NCKAP5: variants seen among roughly 807,000 people sequenced by gnomAD.
NCKAP5 encodes the protein NCK associated protein 5, also known as nck-associated protein 5.
In NCKAP5, 92 loss-of-function variants were observed where a neutral mutation model predicts 167.0. The observed-to-expected ratio is 0.55, with a 90% confidence interval of 0.47 to 0.66. NCKAP5 has a LOEUF of 0.66. NCKAP5 is among the 30% of genes least tolerant of loss of function. NCKAP5 has a pLI of 0.00. For missense variants in NCKAP5, 2,378 were observed against 2,315.0 expected, an observed-to-expected ratio of 1.03 and a Z score of -0.56; for synonymous variants, 891 against 877.4, an observed-to-expected ratio of 1.02 and a Z score of -0.27.
At chr2:133,497,935 A>G (rs1682084056) in intron 3 of NCKAP5, among the ~76,000 whole-genome samples, 1 of 152,152 alleles carries the variant, frequency 6.6e-6, no homozygotes, top group Admixed American at 6.5e-5. Flanking sequence ...ACAACCCGCA[A>G]TGGTGAAAAT....
At chr2:133,206,981 T>C (rs1214129880) in intron 5 of NCKAP5, among the ~76,000 whole-genome samples, 1 of 152,110 alleles carries the variant, frequency 6.6e-6, no homozygotes, top group Non-Finnish European at 1.5e-5. Context: ...AGTTCTCTGC[T>C]CTCGAACCCT....
chr2:133,581,132 A>C, the NCKAP5 span, among the ~76,000 whole-genome samples: 1 of 152,172 alleles, frequency 6.6e-6, no homozygotes, highest in Non-Finnish European at 1.5e-5. Flanking sequence ...CATTGCTCCT[A>C]AAATAAATCT....
intron 5 of NCKAP5, among the ~76,000 whole-genome samples, chr2:133,131,684 T>A (rs1287218112): frequency 6.6e-6 from 1 of 152,184 alleles, no homozygotes; most frequent in Admixed American, 6.5e-5. Flanking sequence ...TAAAATCAAA[T>A]CTTTATTCTG....
intron 5 of NCKAP5, among the ~76,000 whole-genome samples, chr2:133,146,583 C>T (rs1240307433): frequency 6.6e-6 from 1 of 152,088 alleles, no homozygotes; most frequent in Non-Finnish European, 1.5e-5. Flanking sequence ...TCTCTTAATA[C>T]AACCTTCCAG....
At chr2:133,148,542 T>C (rs1052582570) in intron 5 of NCKAP5, among the ~76,000 whole-genome samples, 2 of 152,128 alleles carry the variant, frequency 1.3e-5, no homozygotes, top group African/African-American at 4.8e-5. Context: ...CAATTTGCTG[T>C]CTTAGTATGG....
At chr2:133,236,513 T>C (rs771924922) in intron 4 of NCKAP5, among the ~76,000 whole-genome samples, 2 of 152,178 alleles carry the variant, frequency 1.3e-5, no homozygotes, top group Non-Finnish European at 2.9e-5. Context: ...TTCTCTTAGG[T>C]GTCTGACAAA....
intron 6 of NCKAP5, among the ~76,000 whole-genome samples, chr2:133,068,989 C>A (rs2080293983): frequency 6.6e-6 from 1 of 152,166 alleles, no homozygotes; most frequent in African/African-American, 2.4e-5. Context: ...ATTTATGATT[C>A]TGGATTATAG....
chr2:133,567,701 T>TGTG (rs879405003), intron 1 of NCKAP5, among the ~76,000 whole-genome samples: 256 of 68,732 alleles, frequency 3.7e-3, no homozygotes, highest in Non-Finnish European at 5.4e-3. Context: ...GTGTGTGTGT[T>TGTG]TGGGGAGAGA....
chr2:132,846,798 G>A (rs1688695734), intron 11 of NCKAP5, among the ~76,000 whole-genome samples: 1 of 152,146 alleles, frequency 6.6e-6, no homozygotes, highest in Admixed American at 6.5e-5. Flanking sequence ...TCAGAAAGTG[G>A]CAGAATTGGA....
chr2:133,247,987 C>T (rs2150324335), intron 4 of NCKAP5, among the ~76,000 whole-genome samples: 1 of 152,312 alleles, frequency 6.6e-6, no homozygotes, highest in Non-Finnish European at 1.5e-5. Flanking sequence ...TGACTAGTCA[C>T]ATTACTGATG....
chr2:132,856,159 C>A (rs965784318), intron 11 of NCKAP5, among the ~76,000 whole-genome samples: 9 of 152,196 alleles, frequency 5.9e-5, no homozygotes, highest in African/African-American at 2.2e-4. Context: ...CTGAGGACTG[C>A]TGAGGCCCTG....
the NCKAP5 span, among the ~76,000 whole-genome samples, chr2:133,583,120 T>TA: frequency 3.2e-4 from 47 of 144,698 alleles, no homozygotes; most frequent in Middle Eastern, 3.4e-3. Flanking sequence ...CCAGAGATGA[T>TA]AAAAAAATAT....
intron 11 of NCKAP5, among the ~76,000 whole-genome samples, chr2:132,833,402 G>A (rs560980964): frequency 6.6e-6 from 1 of 152,032 alleles, no homozygotes; most frequent in African/African-American, 2.4e-5. Flanking sequence ...TTTTGTTGTT[G>A]TTGCCTGTGC....
intron 6 of NCKAP5, among the ~76,000 whole-genome samples, chr2:133,030,102 T>C (rs2078833162): frequency 6.6e-6 from 1 of 152,170 alleles, no homozygotes; most frequent in Non-Finnish European, 1.5e-5. Flanking sequence ...AGTTTACACA[T>C]GTAGAAATGC....
At chr2:133,555,092 T>G (rs1364807880) in intron 2 of NCKAP5, among the ~76,000 whole-genome samples, 1 of 152,216 alleles carries the variant, frequency 6.6e-6, no homozygotes, top group Non-Finnish European at 1.5e-5. Context: ...ATCTCTGCTT[T>G]GCTTTACAAT....
intron 9 of NCKAP5, among the ~76,000 whole-genome samples, chr2:132,877,694 C>T (rs1256813273): frequency 2.6e-5 from 4 of 152,160 alleles, no homozygotes; most frequent in East Asian, 1.9e-4. Flanking sequence ...GAGTTATATA[C>T]GGCGTTACTG....
At chr2:132,917,310 T>C (rs1694962403) in intron 8 of NCKAP5, among the ~76,000 whole-genome samples, 1 of 152,194 alleles carries the variant, frequency 6.6e-6, no homozygotes, top group Non-Finnish European at 1.5e-5. Context: ...AACTTTAATA[T>C]ATACTTTTGA....
intron 6 of NCKAP5, among the ~76,000 whole-genome samples, chr2:133,070,322 T>C (rs533522673): frequency 1.3e-5 from 2 of 152,188 alleles, no homozygotes; most frequent in African/African-American, 4.8e-5. Context: ...TAATAAGATA[T>C]GCCCTGCCCA....
intron 3 of NCKAP5, among the ~76,000 whole-genome samples, chr2:133,328,699 A>G (rs10928450): frequency 0.23 from 35,695 of 152,148 alleles, 4,386 homozygotes; most frequent in Non-Finnish European, 0.27. Flanking sequence ...CACCTAACCT[A>G]TTCAGTGAGA....
Sources: allele counts gnomAD v4.1 joint callset (sites outside exome capture counted in the v4.1 genomes callset), GRCh38; gene constraint gnomAD v4.1.1; transcripts MANE v1.5; gene names NCBI Gene and HGNC (gene_info 2026-07-23, HGNC 2026-07-21).